Variants in AK9 observed in about 807,000 individuals in gnomAD.
AK9 encodes adenylate kinase 9.
AK9 carries 191 observed loss-of-function variants against 239.6 expected under a neutral mutation model. The ratio of observed to expected loss-of-function variants is 0.80; its 90% CI spans 0.71 to 0.90. The LOEUF is 0.90. AK9 is among the 40% of genes least tolerant of loss of function. AK9 has a pLI of 0.00. For missense variants in AK9, 1,995 were observed against 2,214.7 expected, an observed-to-expected ratio of 0.90 and a Z score of 1.99; for synonymous variants, 689 against 721.0, an observed-to-expected ratio of 0.96 and a Z score of 0.71.
chr6:109,551,670 C>CTTT (rs1784376325), intron 24 of AK9, among the ~76,000 whole-genome samples: 1 of 151,446 alleles, frequency 6.6e-6, no homozygotes, highest in East Asian at 1.9e-4. Context: ...TTTGGTTTAG[C>CTTT]TTTTATCTTT....
chr6:109,536,721 T>C (rs1782046106), intron 27 of AK9, among the ~76,000 whole-genome samples: 2 of 152,228 alleles, frequency 1.3e-5, no homozygotes, highest in Admixed American at 1.3e-4. Flanking sequence ...GCCCATTCAG[T>C]ATGATATTGG....
intron 17 of AK9, among the ~76,000 whole-genome samples, chr6:109,599,233 T>C (rs2128226687): frequency 6.6e-6 from 1 of 152,320 alleles, no homozygotes; most frequent in South Asian, 2.1e-4. Flanking sequence ...CTTTAATCCA[T>C]CTTGAATTAA....
chr6:109,684,465 T>C (rs1773155826), intron 1 of AK9, among the ~76,000 whole-genome samples: 1 of 151,972 alleles, frequency 6.6e-6, no homozygotes, highest in South Asian at 2.1e-4. Context: ...ACAGGCAACC[T>C]ACAGAATGGG....
At chr6:109,650,290 G>A (rs1798734827) in intron 8 of AK9, among the ~76,000 whole-genome samples, 1 of 151,848 alleles carries the variant, frequency 6.6e-6, no homozygotes. Flanking sequence ...CCATCAGAGT[G>A]AACAGGCAAC....
intron 1 of AK9, among the ~76,000 whole-genome samples, chr6:109,677,920 G>A (rs1287244844): frequency 6.6e-6 from 1 of 152,180 alleles, no homozygotes; most frequent in Admixed American, 6.5e-5. Context: ...GACAACACCA[G>A]ATGTTGGTGA....
intron 21 of AK9, among the ~76,000 whole-genome samples, chr6:109,570,884 C>A (rs545703332): frequency 6.6e-6 from 1 of 152,112 alleles, no homozygotes; most frequent in East Asian, 1.9e-4. Context: ...AAAGTTTTAA[C>A]AAATAATGGC....
chr6:109,657,387 T>C (rs1235735662), intron 7 of AK9, among the ~76,000 whole-genome samples: 1 of 151,864 alleles, frequency 6.6e-6, no homozygotes, highest in Admixed American at 6.6e-5. Context: ...TAGGTGGTGG[T>C]AAGTACTAGG....
At chr6:109,648,821 ACAT>A (rs983915963) in intron 8 of AK9, among the ~76,000 whole-genome samples, 1 of 152,246 alleles carries the variant, frequency 6.6e-6, no homozygotes, top group African/African-American at 2.4e-5. Context: ...TCCTTGATGA[ACAT>A]CGATGCAAAA....
chr6:109,521,106 C>G (rs1201813194), intron 29 of AK9, among the ~76,000 whole-genome samples: 1 of 151,988 alleles, frequency 6.6e-6, no homozygotes, highest in Non-Finnish European at 1.5e-5. Context: ...ACTGATTGTT[C>G]TTTGCATCTT....
At chr6:109,494,283 G>C (rs1431798721) in intron 39 of AK9, among the ~76,000 whole-genome samples, 188 bp from the exon 40 acceptor site, 1 of 152,196 alleles carries the variant, frequency 6.6e-6, no homozygotes, top group African/African-American at 2.4e-5. Flanking sequence ...CATTTGATTA[G>C]GAAAAATGAA....
chr6:109,662,724 TTTA>T, intron 5 of AK9, 61 bp from the exon 6 acceptor site: 1 of 759,108 alleles, frequency 1.3e-6, no homozygotes, highest in Non-Finnish European at 1.8e-6. Context: ...AGGGCATGGA[TTTA>T]TTATATTATA....
Position 109,495,374 on chromosome 6 carries a change from A to C in AK9, c.5382T>G (p.Leu1794=). ...HKLPPLREPI[L]LTSLPLPGYL... is the part of the protein sequence containing the mutation. ...ATCCAGGCAAAGGAAGACTAGTAAG[A>C]AGTATCGGTTCCCTTAATGGGGGAA... Residue 1794 remains leucine, a synonymous_variant, in exon 39 of 41, where the codon CTT becomes CTG. Coordinates refer to ENST00000424296, the MANE Select transcript of AK9 (RefSeq NM_001145128.3). 6.2e-7 allele frequency: 1 copy of C among 1,613,908 alleles called. No individual in the cohort carries two copies. The highest frequency in any genetic ancestry group is 2.2e-5 in the East Asian group (1 of 44,868).
chr6:109,537,755 T>TC (rs1782231691), intron 27 of AK9, among the ~76,000 whole-genome samples: 1 of 152,074 alleles, frequency 6.6e-6, no homozygotes, highest in African/African-American at 2.4e-5. Flanking sequence ...GCTATAAATT[T>TC]CCCTCTACAC....
At chr6:109,640,946 A>G (rs991171538) in intron 10 of AK9, among the ~76,000 whole-genome samples, 3 of 152,014 alleles carry the variant, frequency 2.0e-5, no homozygotes, top group Non-Finnish European at 4.4e-5. Context: ...TGGTGCTGCA[A>G]ATTTTTAAAC....
At chr6:109,566,613 T>C (rs913995673) in intron 21 of AK9, among the ~76,000 whole-genome samples, 3 of 152,040 alleles carry the variant, frequency 2.0e-5, no homozygotes, top group African/African-American at 7.2e-5. Context: ...AATGCAATAG[T>C]AGAGTTAACA....
chr6:109,557,492 C>A (rs762774618), intron 24 of AK9, among the ~76,000 whole-genome samples: 2 of 152,110 alleles, frequency 1.3e-5, no homozygotes, highest in Non-Finnish European at 2.9e-5. Flanking sequence ...GAGCCAGACC[C>A]ATTTAAAGAA....
chr6:109,530,141 T>C (rs984850524), intron 28 of AK9, among the ~76,000 whole-genome samples: 21 of 152,298 alleles, frequency 1.4e-4, no homozygotes, highest in Admixed American at 1.2e-3. Flanking sequence ...AAAACTAATC[T>C]GCTTTCTTCA....
chr6:109,662,958 T>C (rs1800627872), intron 5 of AK9, among the ~76,000 whole-genome samples: 1 of 152,104 alleles, frequency 6.6e-6, no homozygotes. Flanking sequence ...TTCATGCTAG[T>C]AATTATTTTA....
intron 29 of AK9, among the ~76,000 whole-genome samples, chr6:109,517,535 G>T (rs377369221): frequency 1.3e-5 from 2 of 152,078 alleles, no homozygotes. Context: ...TGTAAAATAA[G>T]AATAATAAAA....
Sources: gnomAD v4.1 joint callset for allele counts (sites outside exome capture counted in the v4.1 genomes callset) on GRCh38, gnomAD v4.1.1 for gene constraint, MANE v1.5 for transcripts, NCBI Gene and HGNC (gene_info 2026-07-23, HGNC 2026-07-21) for gene names.